The following ASCC1 variants were observed in gnomAD, a reference collection of about 807,000 sequenced individuals.
ASCC1 encodes activating signal cointegrator 1 complex subunit 1, also known as ASC-1 complex subunit P50.
In ASCC1, 35 loss-of-function variants were observed where a neutral mutation model predicts 46.6. The ratio of observed to expected loss-of-function variants is 0.75; its 90% CI spans 0.57 to 0.99. The LOEUF is 0.99. Among genes scored for constraint, ASCC1 ranks in the 50% least tolerant of loss-of-function variants. ASCC1 has a pLI of 0.00. For synonymous variants in ASCC1, 143 were observed against 146.6 expected, an observed-to-expected ratio of 0.98 and a Z score of 0.18; for missense variants, 376 against 428.7, an observed-to-expected ratio of 0.88 and a Z score of 1.09.
intron 5 of ASCC1, among the ~76,000 whole-genome samples, chr10:72,175,411 G>C (rs1851742214): frequency 6.6e-6 from 1 of 152,156 alleles, no homozygotes; most frequent in Non-Finnish European, 1.5e-5. Flanking sequence ...GCTAAATTAG[G>C]CTCTGCTGAG....
intron 5 of ASCC1, among the ~76,000 whole-genome samples, chr10:72,183,723 C>T (rs1852996487): frequency 6.6e-6 from 1 of 152,114 alleles, no homozygotes; most frequent in South Asian, 2.1e-4. Flanking sequence ...TATATGTTCA[C>T]AGTCCTAGAA....
chr10:72,191,239 G>T (rs182670200), intron 5 of ASCC1, among the ~76,000 whole-genome samples: 15,654 of 127,240 alleles, frequency 0.12, 2,374 homozygotes, highest in African/African-American at 0.39. Context: ...TTTTTTTTTT[G>T]TATTTTTAGT....
rs887522334 is a variant in ASCC1 at position 72,096,125 on chromosome 10, A to G, written c.*1209T>C. 6.6e-5 allele frequency: 30 copies of G among 453,914 alleles called. No individual in the cohort carries two copies. The highest frequency in any genetic ancestry group is 1.2e-4 in the Non-Finnish European group (27 of 226,668). 28.1% of individuals were successfully genotyped at this position (453,914 alleles called of 1,614,324 possible). ...TCCTCACAATGTAGCAACTTAACAC[A>G]GAGTTCAGAAGTGCAGTTAAAGAAT... is the stretch of plus-strand genomic sequence containing the variant. On this transcript the variant is annotated 3_prime_UTR_variant, in exon 10 of 10. Transcript: ENST00000672957.
chr10:72,210,894 C>T (rs1169945781), intron 2 of ASCC1, 63 bp from the exon 3 acceptor site: 3 of 1,518,644 alleles, frequency 2.0e-6, no homozygotes, highest in Non-Finnish European at 2.7e-6. Context: ...CAGCTTTCGC[C>T]TCAGCTGTCA....
intron 9 of ASCC1, among the ~76,000 whole-genome samples, chr10:72,101,680 T>A (rs1841778413): frequency 6.6e-6 from 1 of 151,922 alleles, no homozygotes; most frequent in South Asian, 2.1e-4. Flanking sequence ...ACTGAAGGCT[T>A]TAGGGTAGGT....
At position 72,210,833 on chromosome 10, in the gene ASCC1, T is replaced by A; in HGVS notation, c.113-2A>T. On this transcript the variant is annotated splice_acceptor_variant, in intron 2 of 9. Transcript: ENST00000672957. LOFTEE classifies it high-confidence loss of function. The stretch of plus-strand genomic sequence containing the variant: ...GCTCATCAGCACACTCCATGGAGCC[T>A]GCACAGAAACCATCACATCTCACTC... The A allele has an allele frequency of 6.2e-7, 1 of 1,613,514 alleles. No individual in the cohort carries two copies. Among genetic ancestry groups the A allele is most frequent in the Non-Finnish European group, 8.5e-7 (1 of 1,179,676 alleles).
chr10:72,112,964 A>C (rs1029901350), intron 9 of ASCC1, among the ~76,000 whole-genome samples: 1 of 152,092 alleles, frequency 6.6e-6, no homozygotes, highest in African/African-American at 2.4e-5. Flanking sequence ...ATCCAAAATA[A>C]TATGAACAGT....
intron 7 of ASCC1, among the ~76,000 whole-genome samples, chr10:72,150,556 T>C (rs1483690790): frequency 1.3e-5 from 2 of 152,234 alleles, no homozygotes; most frequent in Non-Finnish European, 2.9e-5. Context: ...GAAATGGCTC[T>C]GAATGCCAAG....
chr10:72,180,462 C>T (rs1668285120), intron 5 of ASCC1, among the ~76,000 whole-genome samples: 1 of 151,874 alleles, frequency 6.6e-6, no homozygotes, highest in Non-Finnish European at 1.5e-5. Context: ...CTTGTCTCTA[C>T]TAAAAATACA....
At chr10:72,136,852 C>T (rs1006841351) in intron 7 of ASCC1, among the ~76,000 whole-genome samples, 1 of 151,912 alleles carries the variant, frequency 6.6e-6, no homozygotes, top group Non-Finnish European at 1.5e-5. Flanking sequence ...GTAACACTCA[C>T]TGCAAAGGTC....
chr10:72,206,689 T>C (rs996027444), intron 3 of ASCC1, among the ~76,000 whole-genome samples: 1 of 152,116 alleles, frequency 6.6e-6, no homozygotes, highest in Non-Finnish European at 1.5e-5. Context: ...CCGGCTTGGA[T>C]TCATTCCAAC....
intron 6 of ASCC1, among the ~76,000 whole-genome samples, chr10:72,157,301 C>A (rs1415222713): frequency 6.6e-6 from 1 of 152,036 alleles, no homozygotes; most frequent in Non-Finnish European, 1.5e-5. Flanking sequence ...TGAAAGATTG[C>A]CACTGAATCC....
At chr10:72,118,734 G>A (rs934391602) in intron 9 of ASCC1, among the ~76,000 whole-genome samples, 6 of 151,054 alleles carry the variant, frequency 4.0e-5, no homozygotes, top group African/African-American at 7.3e-5. Context: ...AGCCAAGATC[G>A]CACCATTGCA....
intron 5 of ASCC1, chr10:72,180,743 T>C (rs929173885): frequency 6.6e-6 from 1 of 151,838 alleles, no homozygotes; most frequent in African/African-American, 2.4e-5. Context: ...ATAGAAACTA[T>C]ACAACCTGAA....
At chr10:72,206,072 C>T (rs184544096) in intron 3 of ASCC1, among the ~76,000 whole-genome samples, 202 of 150,524 alleles carry the variant, frequency 1.3e-3, no homozygotes, top group Middle Eastern at 6.9e-3. Flanking sequence ...CCATTCCACT[C>T]CAGCCTGGGT....
At chr10:72,148,632 T>C (rs971176148) in intron 7 of ASCC1, among the ~76,000 whole-genome samples, 2 of 152,208 alleles carry the variant, frequency 1.3e-5, no homozygotes, top group Non-Finnish European at 1.5e-5. Flanking sequence ...TTTGATGAAA[T>C]TGGTAGTGAT....
intron 7 of ASCC1, among the ~76,000 whole-genome samples, chr10:72,138,818 G>C (rs548509707): frequency 3.2e-4 from 48 of 152,130 alleles, no homozygotes; most frequent in African/African-American, 1.1e-3. Context: ...TGCTGGCCTT[G>C]GCCTCCCAAA....
chr10:72,106,444 C>A (rs534007451), intron 9 of ASCC1, among the ~76,000 whole-genome samples: 1 of 152,214 alleles, frequency 6.6e-6, no homozygotes, highest in Non-Finnish European at 1.5e-5. Context: ...ATAGGAATAG[C>A]AAATGCATGC....
intron 9 of ASCC1, among the ~76,000 whole-genome samples, chr10:72,117,283 G>A (rs1843604297): frequency 6.6e-6 from 1 of 151,948 alleles, no homozygotes; most frequent in South Asian, 2.1e-4. Context: ...ACTGTGTATT[G>A]GCCACTTTTG....
Sources: gnomAD v4.1 joint callset for allele counts (sites outside exome capture counted in the v4.1 genomes callset) on GRCh38, gnomAD v4.1.1 for gene constraint, MANE v1.5 for transcripts, NCBI Gene and HGNC (gene_info 2026-07-23, HGNC 2026-07-21) for gene names.